Variants in FAM124A observed in about 807,000 individuals in gnomAD.
FAM124A encodes protein FAM124A.
FAM124A carries 23 observed loss-of-function variants against 24.5 expected under a neutral mutation model. That is an observed-to-expected ratio of 0.94 (90% CI 0.68 to 1.33). FAM124A has a LOEUF of 1.33. Among genes scored for constraint, FAM124A ranks in the 40% most tolerant of loss-of-function variants. The pLI is 0.00. For synonymous variants in FAM124A, 287 were observed against 314.7 expected (o/e 0.91, Z 0.93); for missense variants, 623 against 722.8 (o/e 0.86, Z 1.58).
chr13:51,243,609 C>T (rs1247550202), intron 2 of FAM124A, among the ~76,000 whole-genome samples: 1 of 152,148 alleles, frequency 6.6e-6, no homozygotes, highest in Non-Finnish European at 1.5e-5. Flanking sequence ...TCTCAGCTTA[C>T]TGCAACCACT....
At position 51,227,885 on chromosome 13, in the gene FAM124A, T is replaced by G. The variant is rs76109842; in HGVS notation, c.69-3463T>G. The stretch of plus-strand genomic sequence containing the variant: ...CTGTGACTTAAGACATAACAAAAAA[T>G]CAGGGGTCTAGACTTTAAATAGGTG... On this transcript the variant is annotated intron_variant, in intron 1 of 3. Coordinates refer to ENST00000322475, the MANE Select transcript of FAM124A (RefSeq NM_001242312.2). Among the ~76,000 whole-genome samples, 259 of 152,264 alleles carry G rather than the reference T, an allele frequency of 1.7e-3. 8 individuals carry two copies. The East Asian group carries it at 0.047, about 28-fold the overall frequency.
At chr13:51,246,214 C>A (rs1205948630) in intron 2 of FAM124A, among the ~76,000 whole-genome samples, 2 of 152,190 alleles carry the variant, frequency 1.3e-5, no homozygotes, top group African/African-American at 4.8e-5. Flanking sequence ...TCAACAGGTG[C>A]TCGCTAGGTC....
rs1246807316 is a variant in FAM124A at position 51,252,186 on chromosome 13, C to T, written c.819C>T (p.Asn273=). The stretch of plus-strand genomic sequence containing the variant: ...GGCAGACGGAGGACCATGATGGGAA[C>T]AAGATCCTCCTACAGGTACTGGGGG... The part of the protein sequence containing the change: ...GRWQTEDHDG[N]KILLQAQRVH... The change falls in exon 3 of 4, where the codon AAC becomes AAT. Residue 273 remains asparagine, a synonymous_variant. Coordinates refer to ENST00000322475, the MANE Select transcript of FAM124A (RefSeq NM_001242312.2). 6 of 1,613,096 alleles carry T rather than the reference C, an allele frequency of 3.7e-6. No homozygotes were observed. Among genetic ancestry groups the T allele is most frequent in the Middle Eastern group, 1.6e-4 (1 of 6,084 alleles).
rs572135286 is a variant in FAM124A at position 51,251,386 on chromosome 13, C to G, written c.101-82C>G. On this transcript the variant is annotated intron_variant, in intron 2 of 3. Coordinates refer to ENST00000322475, the MANE Select transcript of FAM124A (RefSeq NM_001242312.2). The surrounding 1 kb of genome is among the most constrained non-coding windows in gnomAD (Gnocchi z 5.3). Reference sequence around the variant, plus strand: ...GAATTTGACTTCTCTTCCTGTCAAGCCTGTACACGTCATCACTGGACACTT... The same window carrying G: ...GAATTTGACTTCTCTTCCTGTCAAGGCTGTACACGTCATCACTGGACACTT... 1.6e-4 allele frequency: 225 copies of G among 1,422,122 alleles called. 2 individuals carry two copies. The Admixed American group carries it at 2.0e-3, about 13-fold the overall frequency. 88.1% of individuals were successfully genotyped at this position (1,422,122 alleles called of 1,614,324 possible).
At chr13:51,237,079 A>C (rs1176302950) in intron 2 of FAM124A, among the ~76,000 whole-genome samples, 1 of 152,180 alleles carries the variant, frequency 6.6e-6, no homozygotes, top group Non-Finnish European at 1.5e-5. Flanking sequence ...TTCACACCCT[A>C]CTGCAGTAAA....
Position 51,280,848 on chromosome 13 carries a change from G to A in FAM124A, c.1233G>A (p.Glu411=). The A allele has an allele frequency of 6.2e-7, 1 of 1,614,166 alleles. No individual in the cohort carries two copies. The highest frequency in any genetic ancestry group is 1.1e-5 in the South Asian group (1 of 91,080). The part of the protein sequence containing the change: ...LSIDDLEGAQ[E]TDVDTGLRLS... ...TCGATGACCTAGAGGGGGCCCAGGA[G>A]ACAGACGTGGACACAGGCCTGCGGC... is the stretch of plus-strand genomic sequence containing the variant. The change falls in exon 4 of 4, where the codon GAG becomes GAA. Residue 411 remains glutamate (E), a synonymous_variant. Transcript: ENST00000322475.
At chr13:51,249,386 T>C (rs1337016633) in intron 2 of FAM124A, among the ~76,000 whole-genome samples, 1 of 152,198 alleles carries the variant, frequency 6.6e-6, no homozygotes, top group Non-Finnish European at 1.5e-5. Context: ...CACTTGCCAT[T>C]CTACTCCATG....
intron 2 of FAM124A, among the ~76,000 whole-genome samples, chr13:51,244,968 C>T (rs896859672): frequency 6.6e-5 from 10 of 152,194 alleles, no homozygotes; most frequent in African/African-American, 2.4e-4. Flanking sequence ...TGGCATCGTT[C>T]ATCTGGGATA....
intron 1 of FAM124A, among the ~76,000 whole-genome samples, chr13:51,225,999 T>A (rs1255237549): frequency 1.0e-5 from 1 of 96,600 alleles, no homozygotes; most frequent in Non-Finnish European, 2.5e-5. Flanking sequence ...TTTTTTTTTT[T>A]TTTTTTTTTT....
At chr13:51,269,215 G>A (rs1284911512) in intron 3 of FAM124A, among the ~76,000 whole-genome samples, 2 of 152,202 alleles carry the variant, frequency 1.3e-5, no homozygotes, top group Non-Finnish European at 2.9e-5. Context: ...GTAATTACCT[G>A]CTTAATGGAC....
chr13:51,274,745 A>T (rs34850208), intron 3 of FAM124A, among the ~76,000 whole-genome samples: 8,941 of 152,268 alleles, frequency 0.059, 381 homozygotes, highest in South Asian at 0.12. Flanking sequence ...TTTTGTATTT[A>T]TTCATTCAGG....
At chr13:51,233,120 T>G (rs768033733) in intron 2 of FAM124A, among the ~76,000 whole-genome samples, 30 of 152,212 alleles carry the variant, frequency 2.0e-4, no homozygotes, top group Middle Eastern at 3.4e-3. Flanking sequence ...TGGAAAATGA[T>G]GGCTAAACAA....
At chr13:51,235,726 G>A (rs1038739726) in intron 2 of FAM124A, among the ~76,000 whole-genome samples, 4 of 152,308 alleles carry the variant, frequency 2.6e-5, no homozygotes, top group African/African-American at 7.2e-5. Flanking sequence ...AACTGCCAGC[G>A]ATGGCAGGAA....
chr13:51,280,950 C>T lies in FAM124A; in HGVS notation c.1335C>T (p.Leu445=), dbSNP rs185038718. The change falls in exon 4 of 4, where the codon CTC becomes CTT. Residue 445 remains leucine (L), a synonymous_variant. Transcript: ENST00000322475. ...TCTGCAGCACAGTGGAGACACCCCTCCCCTCCGAAAGATGCAGCAGCCACT... is the reference window on the plus strand; with the variant it reads ...TCTGCAGCACAGTGGAGACACCCCTTCCCTCCGAAAGATGCAGCAGCCACT... ...SRFCSTVETP[L]PSERCSSHWA... 8.7e-6 allele frequency: 14 copies of T among 1,614,124 alleles called. No individual in the cohort carries two copies. The East Asian group carries it at 2.7e-4, about 31-fold the overall frequency.
chr13:51,243,503 C>T (rs1339767851), intron 2 of FAM124A, among the ~76,000 whole-genome samples: 1 of 152,062 alleles, frequency 6.6e-6, no homozygotes, highest in Non-Finnish European at 1.5e-5. Context: ...TTTTTCCCTC[C>T]TGCTTTCAGA....
Position 51,272,690 on chromosome 13 carries a change from C to T in FAM124A, c.835-7760C>T, listed in dbSNP as rs1593610594. Among the ~76,000 whole-genome samples the T allele has an allele frequency of 6.6e-6, 1 of 152,148 alleles. No homozygotes were observed. Among genetic ancestry groups the T allele is most frequent in the Non-Finnish European group, 1.5e-5 (1 of 68,032 alleles). The stretch of plus-strand genomic sequence containing the variant: ...TGGACCAGGGACCTAGACCACAGGA[C>T]ACCAAGCACAGTCAAGGTAGGAGTG... On this transcript the variant is annotated intron_variant, in intron 3 of 3. Coordinates refer to ENST00000322475, the MANE Select transcript of FAM124A (RefSeq NM_001242312.2). The surrounding 1 kb of genome is among the most constrained non-coding windows in gnomAD (Gnocchi z 4.2).
At chr13:51,229,126 G>A (rs1457595113) in intron 1 of FAM124A, among the ~76,000 whole-genome samples, 1 of 152,256 alleles carries the variant, frequency 6.6e-6, no homozygotes, top group South Asian at 2.1e-4. Flanking sequence ...GTGGGAGGCT[G>A]TAGGTGACTT....
chr13:51,244,846 A>C (rs1954538350), intron 2 of FAM124A, among the ~76,000 whole-genome samples: 1 of 152,238 alleles, frequency 6.6e-6, no homozygotes, highest in Non-Finnish European at 1.5e-5. Context: ...CGAAACAGCC[A>C]GCCCATTCAC....
intron 2 of FAM124A, among the ~76,000 whole-genome samples, chr13:51,233,411 T>C (rs1954400081): frequency 6.6e-6 from 1 of 152,228 alleles, no homozygotes; most frequent in South Asian, 2.1e-4. Context: ...CCCAGTAATT[T>C]TTCTCTCTAT....
Sources: allele counts gnomAD v4.1 joint callset (sites outside exome capture counted in the v4.1 genomes callset), GRCh38; gene constraint gnomAD v4.1.1; non-coding constraint Gnocchi (gnomAD v3.1); transcripts MANE v1.5; gene names NCBI Gene and HGNC (gene_info 2026-07-23, HGNC 2026-07-21).